The following CHD9 variants were observed in gnomAD, a reference collection of about 807,000 sequenced individuals.
CHD9 encodes the protein chromodomain helicase DNA binding protein 9, also known as ATP-dependent chromatin remodeler CHD9.
In CHD9, 77 loss-of-function variants were observed where a neutral mutation model predicts 316.1. That is an observed-to-expected ratio of 0.24 (90% CI 0.20 to 0.29). CHD9 has a LOEUF of 0.29. Ranked by LOEUF, CHD9 falls within the 10% of genes least tolerant of loss-of-function variation. The pLI is 1.00. For missense variants in CHD9, 2,763 were observed against 3,438.1 expected (o/e 0.80, Z 4.91); for synonymous variants, 1,129 against 1,158.3 (o/e 0.97, Z 0.51).
At chr16:53,136,944 G>A (rs549323966) in intron 1 of CHD9, among the ~76,000 whole-genome samples, 12 of 151,896 alleles carry the variant, frequency 7.9e-5, no homozygotes, top group African/African-American at 2.4e-4. Flanking sequence ...AGTGTTCCTC[G>A]AGTAACATTA....
At chr16:53,264,218 T>A (rs1323983900) in intron 20 of CHD9, among the ~76,000 whole-genome samples, 1 of 152,132 alleles carries the variant, frequency 6.6e-6, no homozygotes, top group African/African-American at 2.4e-5. Context: ...TGTTAAACAA[T>A]TTTTTCTTAT....
chr16:53,217,973 A>G (rs2046922684), intron 3 of CHD9, among the ~76,000 whole-genome samples: 2 of 144,030 alleles, frequency 1.4e-5, no homozygotes, highest in Non-Finnish European at 3.0e-5. Context: ...TTTTTAATTC[A>G]GAATTACTGG....
intron 20 of CHD9, among the ~76,000 whole-genome samples, chr16:53,263,895 G>T (rs72799625): frequency 0.052 from 7,973 of 152,114 alleles, 345 homozygotes; most frequent in East Asian, 0.2. Flanking sequence ...AAGTAGTGGG[G>T]TCTGCAAAAC....
intron 27 of CHD9, among the ~76,000 whole-genome samples, chr16:53,291,407 CTTAG>C (rs1055482841): frequency 6.6e-5 from 10 of 152,086 alleles, no homozygotes; most frequent in African/African-American, 2.4e-4. Context: ...AAAAAACACA[CTTAG>C]TTAGCAATAA....
chr16:53,102,638 G>T (rs941360355), intron 1 of CHD9, among the ~76,000 whole-genome samples: 1 of 151,992 alleles, frequency 6.6e-6, no homozygotes, highest in African/African-American at 2.4e-5. Flanking sequence ...ATCACTTGAG[G>T]CCAGTCTTCA....
intron 2 of CHD9, among the ~76,000 whole-genome samples, chr16:53,202,068 C>G (rs2045507553): frequency 6.6e-6 from 1 of 152,076 alleles, no homozygotes; most frequent in East Asian, 1.9e-4. Flanking sequence ...TGCTATGTTG[C>G]CCAGGCTGGC....
rs750357543 is a variant in CHD9 at position 53,249,960 on chromosome 16, T to G, written c.3755T>G (p.Phe1252Cys). The change falls in exon 17 of 39, where the codon TTT (phenylalanine) becomes TGT (cysteine). Residue 1252 changes from phenylalanine to cysteine, a missense_variant. This residue lies in a region of CHD9 where 39 missense variants were observed against 40.4 expected (regional missense o/e 0.97). Coordinates refer to ENST00000447540, the MANE Select transcript of CHD9 (RefSeq NM_001308319.2). ...TTTAGTAAACCTGATTCAGATAGAT[T>G]TGTTTTTCTCCTGTGTACCCGAGCT... is the stretch of plus-strand genomic sequence containing the variant. ...DRFSKPDSDR[F>C]VFLLCTRAGG... The G allele has an allele frequency of 8.7e-6, 14 of 1,613,682 alleles. No homozygotes were observed. Among genetic ancestry groups the G allele is most frequent in the Admixed American group, 1.7e-5 (1 of 59,996 alleles).
chr16:53,109,244 C>T (rs1402088183), intron 1 of CHD9, among the ~76,000 whole-genome samples: 3 of 152,128 alleles, frequency 2.0e-5, no homozygotes, highest in African/African-American at 7.2e-5. Context: ...GGTTTAGTGA[C>T]ACGTCTCCTG....
chr16:53,205,249 C>G (rs62048051), intron 2 of CHD9, among the ~76,000 whole-genome samples: 36,463 of 152,100 alleles, frequency 0.24, 4,710 homozygotes, highest in Middle Eastern at 0.32. Flanking sequence ...AAATTGCAAG[C>G]ATAGTACAAA....
intron 17 of CHD9, among the ~76,000 whole-genome samples, chr16:53,253,080 G>T (rs990343815): frequency 1.3e-5 from 2 of 152,060 alleles, no homozygotes; most frequent in Non-Finnish European, 2.9e-5. Context: ...GTCATTATTC[G>T]AAAAAGATAC....
At chr16:53,280,681 TAAA>T (rs76357065) in intron 24 of CHD9, among the ~76,000 whole-genome samples, 1 of 136,656 alleles carries the variant, frequency 7.3e-6, no homozygotes, top group African/African-American at 2.7e-5. Flanking sequence ...AAATACAATT[TAAA>T]AAAAAAAAAA....
Position 53,146,419 on chromosome 16 carries a change from G to GTATATATATA in CHD9, c.-164-9498_-164-9489dup, listed in dbSNP as rs757165644. On this transcript the variant is annotated intron_variant, in intron 1 of 38. Coordinates refer to ENST00000447540, the MANE Select transcript of CHD9 (RefSeq NM_001308319.2). ...AAAAAAAAATTGTGTGTGTGTGTAT[G>GTATATATATA]TATATATATATATATATAATTAAAA... 8.9e-4 allele frequency among the ~76,000 whole-genome samples: 68 copies of GTATATATATA among 76,360 alleles called. 4 individuals are homozygous for GTATATATATA. Among genetic ancestry groups the GTATATATATA allele is most frequent in the Admixed American group, 1.8e-3 (10 of 5,624 alleles). 50.1% of individuals were successfully genotyped at this position (76,360 alleles called of 152,430 possible). A position where few individuals can be genotyped will look rare whatever the true frequency, so the allele number is the denominator to read the frequency against.
chr16:53,192,293 G>C (rs967823237), intron 2 of CHD9, among the ~76,000 whole-genome samples: 1 of 152,168 alleles, frequency 6.6e-6, no homozygotes, highest in Non-Finnish European at 1.5e-5. Flanking sequence ...TGAAGAAATA[G>C]CATCCAGAAA....
chr16:53,094,012 G>T (rs748632657), intron 1 of CHD9, among the ~76,000 whole-genome samples: 2 of 152,154 alleles, frequency 1.3e-5, no homozygotes, highest in Non-Finnish European at 2.9e-5. Context: ...TCAGCCTTGG[G>T]GGCCTGGAGG....
chr16:53,090,693 T>A (rs2035857636), intron 1 of CHD9, among the ~76,000 whole-genome samples: 1 of 152,142 alleles, frequency 6.6e-6, no homozygotes, highest in African/African-American at 2.4e-5. Context: ...GCTCTTTCTC[T>A]CCAGCTGTAA....
At chr16:53,252,068 A>G (rs1196476872) in intron 17 of CHD9, among the ~76,000 whole-genome samples, 1 of 152,194 alleles carries the variant, frequency 6.6e-6, no homozygotes, top group Non-Finnish European at 1.5e-5. Context: ...ATTCATATAG[A>G]ACCAAAAAAG....
At chr16:53,182,028 G>A (rs935424658) in intron 2 of CHD9, among the ~76,000 whole-genome samples, 1 of 152,074 alleles carries the variant, frequency 6.6e-6, no homozygotes, top group Non-Finnish European at 1.5e-5. Context: ...GCAGTGAGCC[G>A]AGAGTGCACC....
At chr16:53,285,736 TGTATAAGGCA>T in intron 25 of CHD9, 37 bp downstream of exon 25, 1 of 1,143,464 alleles carries the variant, frequency 8.7e-7, no homozygotes, top group South Asian at 1.4e-5. Flanking sequence ...TCCCCTTCTA[TGTATAAGGCA>T]GTTCTGTCAG....
At chr16:53,099,159 G>A (rs2036625277) in intron 1 of CHD9, 1 of 152,420 alleles carries the variant, frequency 6.6e-6, no homozygotes, top group East Asian at 1.9e-4. Context: ...CCTGCAGCTG[G>A]AGCCAGAGGA....
Sources: allele counts gnomAD v4.1 joint callset (sites outside exome capture counted in the v4.1 genomes callset), GRCh38; gene constraint gnomAD v4.1.1; regional missense constraint gnomAD v4.1.1; transcripts MANE v1.5; gene names NCBI Gene and HGNC (gene_info 2026-07-23, HGNC 2026-07-21).